The following GFOD1 variants were observed in gnomAD, a reference collection of about 807,000 sequenced individuals.
The protein encoded by GFOD1 is Gfo/Idh/MocA-like oxidoreductase domain containing 1.
In GFOD1, 9 loss-of-function variants were observed where a neutral mutation model predicts 25.4. That is an observed-to-expected ratio of 0.35 (90% CI 0.21 to 0.62). The LOEUF (loss-of-function observed/expected upper bound fraction) is 0.62, where lower values mean the gene tolerates loss of function less well. GFOD1 is among the 20% of genes least tolerant of loss of function. The pLI, the probability that GFOD1 is intolerant of heterozygous loss-of-function variation, is 0.72. For missense variants in GFOD1, 403 were observed against 556.9 expected (o/e 0.72, Z 2.78); for synonymous variants, 253 against 245.6 (o/e 1.03, Z -0.28).
intron 1 of GFOD1, among the ~76,000 whole-genome samples, chr6:13,396,881 G>T (rs186434250): frequency 6.6e-6 from 1 of 152,330 alleles, no homozygotes; most frequent in Non-Finnish European, 1.5e-5. Flanking sequence ...AGAATAATCT[G>T]TATTGTTTTA....
chr6:13,455,344 C>T (rs1308491051), intron 1 of GFOD1, among the ~76,000 whole-genome samples: 1 of 152,138 alleles, frequency 6.6e-6, no homozygotes, highest in African/African-American at 2.4e-5. Context: ...ATTTTGTTTC[C>T]TGAGAGTGAA....
chr6:13,470,693 G>T, intron 1 of GFOD1: 1 of 1,439,702 alleles, frequency 6.9e-7, no homozygotes, highest in South Asian at 1.5e-5. Context: ...ACCCACTTTT[G>T]ATTATTCATA....
At chr6:13,424,918 G>A (rs1047324071) in intron 1 of GFOD1, among the ~76,000 whole-genome samples, 1 of 148,406 alleles carries the variant, frequency 6.7e-6, no homozygotes, top group African/African-American at 2.5e-5. Flanking sequence ...ATGCCAAGCA[G>A]TATTCTGAGG....
rs187528408 is a variant in GFOD1 at position 13,361,575 on chromosome 6, A to G, written c.*3168T>C. On this transcript the variant is annotated 3_prime_UTR_variant, in exon 2 of 2. Transcript: ENST00000379287. ...CTGGGCTGAAACAAAGTCCTTCTGC[A>G]GAACACTGTTGAAGGCTAGAGATTT... 7.9e-5 allele frequency: 12 copies of G among 152,474 alleles called. 1 individual carries two copies. The highest frequency in any genetic ancestry group is 2.9e-4 in the African/African-American group (12 of 41,590). The allele number at this position is 152,474 out of a possible 1,614,324, so 9.4% of individuals were successfully genotyped here. A position where few individuals can be genotyped will look rare whatever the true frequency, so the allele number is the denominator to read the frequency against.
At position 13,390,654 on chromosome 6, in the gene GFOD1, G is replaced by A. The variant is rs1584621982; in HGVS notation, c.254-24992C>T. The stretch of plus-strand genomic sequence containing the variant: ...AGGCAGGAGGATTGCTTCAGCCTAG[G>A]AGTCTGAGGCTGTAGTGAGCCATGC... On this transcript the variant is annotated intron_variant, in intron 1 of 1. Transcript: ENST00000379287. Among the ~76,000 whole-genome samples, 7 of 151,702 alleles carry A rather than the reference G, an allele frequency of 4.6e-5. No individual in the cohort carries two copies. In the South Asian group the frequency reaches 1.5e-3, roughly 32 times the overall value.
chr6:13,366,646 T>TTTA (rs112906160), intron 1 of GFOD1, among the ~76,000 whole-genome samples: 4 of 151,724 alleles, frequency 2.6e-5, no homozygotes, highest in African/African-American at 9.7e-5. Context: ...TTTTTTTTTT[T>TTTA]AAAAGAGATG....
At chr6:13,401,756 G>GT (rs1330974550) in intron 1 of GFOD1, among the ~76,000 whole-genome samples, 1 of 151,662 alleles carries the variant, frequency 6.6e-6, no homozygotes, top group Admixed American at 6.6e-5. Context: ...TATCCAAATT[G>GT]ATCTACAGAG....
At chr6:13,441,984 C>T (rs1276315479) in intron 1 of GFOD1, among the ~76,000 whole-genome samples, 1 of 152,196 alleles carries the variant, frequency 6.6e-6, no homozygotes, top group East Asian at 1.9e-4. Flanking sequence ...CACACCCCCA[C>T]ACTCACTCAG....
chr6:13,387,795 G>C (rs944818350), intron 1 of GFOD1, among the ~76,000 whole-genome samples: 2 of 152,180 alleles, frequency 1.3e-5, no homozygotes, highest in African/African-American at 4.8e-5. Context: ...AGAAATAAAG[G>C]ATATTCTATT....
chr6:13,486,253 C>G, intron 1 of GFOD1: 2 of 310,856 alleles, frequency 6.4e-6, no homozygotes, highest in Non-Finnish European at 9.0e-6. Context: ...CCCATCCCCC[C>G]CCCCCACACA....
chr6:13,405,251 T>C (rs1365316816), intron 1 of GFOD1, among the ~76,000 whole-genome samples: 3 of 152,252 alleles, frequency 2.0e-5, no homozygotes, highest in African/African-American at 7.2e-5. Context: ...GACCAGTACT[T>C]TCCCAATAGG....
intron 1 of GFOD1, among the ~76,000 whole-genome samples, chr6:13,424,563 T>G (rs1347518701): frequency 6.6e-6 from 1 of 152,146 alleles, no homozygotes; most frequent in Non-Finnish European, 1.5e-5. Context: ...GAAGACTCCA[T>G]ACCATGTAAA....
chr6:13,484,770 A>T (rs1288287772), intron 1 of GFOD1, among the ~76,000 whole-genome samples: 1 of 152,212 alleles, frequency 6.6e-6, no homozygotes, highest in African/African-American at 2.4e-5. Context: ...AAACAAGGTC[A>T]TCCTTGTTCC....
At chr6:13,486,515 C>T in intron 1 of GFOD1, 123 bp downstream of exon 1, 1 of 809,292 alleles carries the variant, frequency 1.2e-6, no homozygotes, top group Non-Finnish European at 1.9e-6. Flanking sequence ...TCTCAGATCC[C>T]CGGGGCAGCG....
At chr6:13,484,923 C>T (rs1758831458) in intron 1 of GFOD1, among the ~76,000 whole-genome samples, 1 of 152,196 alleles carries the variant, frequency 6.6e-6, no homozygotes, top group South Asian at 2.1e-4. Context: ...ATACGCAGGG[C>T]TCATCAGGGA....
chr6:13,379,892 C>T lies in GFOD1; in HGVS notation c.254-14230G>A, dbSNP rs77297723. Among the ~76,000 whole-genome samples, 255 of 152,212 alleles carry T rather than the reference C, an allele frequency of 1.7e-3. 2 individuals are homozygous for T. Among genetic ancestry groups the T allele is most frequent in the African/African-American group, 5.9e-3 (244 of 41,536 alleles). On this transcript the variant is annotated intron_variant, in intron 1 of 1. Transcript: ENST00000379287. Reference sequence around the variant, plus strand: ...GGGAAGTGAAATGAGGGTCAGGGGACGTGGATTGAAATTCTCACCTGGCAT... The same window carrying T: ...GGGAAGTGAAATGAGGGTCAGGGGATGTGGATTGAAATTCTCACCTGGCAT...
At chr6:13,412,262 G>T (rs1786089946) in intron 1 of GFOD1, among the ~76,000 whole-genome samples, 1 of 152,172 alleles carries the variant, frequency 6.6e-6, no homozygotes, top group Non-Finnish European at 1.5e-5. Flanking sequence ...TCATTGGAGT[G>T]GGCCTTAATC....
At chr6:13,423,754 A>G (rs900866433) in intron 1 of GFOD1, among the ~76,000 whole-genome samples, 2 of 152,196 alleles carry the variant, frequency 1.3e-5, no homozygotes, top group Admixed American at 6.5e-5. Flanking sequence ...CCTTCACTTG[A>G]AGTATTTCAG....
chr6:13,375,222 T>C (rs978244690), intron 1 of GFOD1, among the ~76,000 whole-genome samples: 6 of 152,226 alleles, frequency 3.9e-5, no homozygotes, highest in African/African-American at 1.4e-4. Flanking sequence ...TTTTGCACCC[T>C]TGCTGCCTTC....
Sources: gnomAD v4.1 joint callset for allele counts (sites outside exome capture counted in the v4.1 genomes callset) on GRCh38, gnomAD v4.1.1 for gene constraint, MANE v1.5 for transcripts, NCBI Gene and HGNC (gene_info 2026-07-23, HGNC 2026-07-21) for gene names.